Variants in CPS1 observed in about 807,000 individuals in gnomAD.
The protein encoded by CPS1 is carbamoyl-phosphate synthase 1.
In CPS1, 109 loss-of-function variants were observed where a neutral mutation model predicts 174.6. That is an observed-to-expected ratio of 0.62 (90% confidence interval 0.53 to 0.73). The LOEUF is 0.73. CPS1 is among the 30% of genes least tolerant of loss of function. The probability of loss-of-function intolerance (pLI) is 0.00; values close to 1 mark genes in which losing one functional copy is unlikely to be tolerated. For missense variants in CPS1, 1,689 were observed against 1,821.9 expected (o/e 0.93, Z 1.33); for synonymous variants, 637 against 632.0 (o/e 1.01, Z -0.12).
intron 1 of CPS1, among the ~76,000 whole-genome samples, chr2:210,557,375 T>C (rs1174978296): frequency 6.6e-6 from 1 of 152,136 alleles, no homozygotes; most frequent in Non-Finnish European, 1.5e-5. Flanking sequence ...CTTTAGCTTT[T>C]TCCTTTTCCT....
intron 19 of CPS1, among the ~76,000 whole-genome samples, chr2:210,609,361 T>C (rs1260775655): frequency 6.6e-6 from 1 of 151,916 alleles, no homozygotes; most frequent in African/African-American, 2.4e-5. Flanking sequence ...AACATGAAAC[T>C]TGGAACCAGC....
rs1698931027 is a variant in CPS1, at chr2:210,606,844, A to G, written c.2095A>G (p.Ile699Val). 1 of 1,612,714 alleles carries G rather than the reference A, an allele frequency of 6.2e-7. No homozygotes were observed. Among genetic ancestry groups the G allele is most frequent in the Middle Eastern group, 1.7e-4 (1 of 6,050 alleles). Residue 699 changes from isoleucine (I) to valine (V), a missense_variant, in exon 18 of 38, where the codon ATT becomes GTT. By Grantham distance (29) the Ile-to-Val change is conservative (BLOSUM62 3). Transcript: ENST00000233072. ...RHLGIVGECN[I>V]QFALHPTSME... ...CTTGGGCATTGTGGGTGAATGCAAC[A>G]TTCAGTTTGCCCTTCATCCTACCTC...
chr2:210,540,407 G>A (rs775693043), intron 1 of CPS1, among the ~76,000 whole-genome samples: 34 of 152,104 alleles, frequency 2.2e-4, no homozygotes, highest in Non-Finnish European at 4.6e-4. Context: ...ATATATCTAT[G>A]TATGTATCTA....
At chr2:210,675,688 C>A in intron 35 of CPS1, 40 bp from the exon 36 acceptor site, 1 of 922,878 alleles carries the variant, frequency 1.1e-6, no homozygotes, top group Non-Finnish European at 1.8e-6. Flanking sequence ...AATAAGAAAT[C>A]ACTGTGATAC....
rs527944680 is a variant in CPS1, at chr2:210,599,288, T to A, written c.1360-84T>A. 28 of 1,283,536 alleles carry A rather than the reference T, an allele frequency of 2.2e-5. No individual in the cohort carries two copies. The South Asian group carries it at 3.4e-4, about 16-fold the overall frequency. The allele number at this position is 1,283,536 out of a possible 1,614,324, so 79.5% of individuals were successfully genotyped here. The stretch of plus-strand genomic sequence containing the variant: ...GCCCACAGATAACCTAAAAGCTTAG[T>A]TACCCCATGTCTTTTTATTTAAGTG... On this transcript the variant is annotated intron_variant, in intron 13 of 37. Coordinates refer to ENST00000233072, the MANE Select transcript of CPS1 (RefSeq NM_001875.5).
At chr2:210,531,968 T>A (rs1457404708) in intron 1 of CPS1, among the ~76,000 whole-genome samples, 2 of 152,048 alleles carry the variant, frequency 1.3e-5, no homozygotes, top group East Asian at 3.9e-4. Context: ...TCAGCGAGAG[T>A]AAGATTTTCT....
At chr2:210,535,801 C>T (rs1215293502) in intron 1 of CPS1, among the ~76,000 whole-genome samples, 1 of 149,416 alleles carries the variant, frequency 6.7e-6, no homozygotes, top group Middle Eastern at 3.2e-3. Context: ...AAGTTTAGTC[C>T]CTTCTCCCTT....
chr2:210,553,686 A>G (rs1030615449), upstream of CPS1, among the ~76,000 whole-genome samples: 1 of 151,990 alleles, frequency 6.6e-6, no homozygotes, highest in Non-Finnish European at 1.5e-5. Context: ...AGAAGAAAAA[A>G]ATGCTTATTT....
At chr2:210,623,259 A>G (rs1243987386) in intron 21 of CPS1, among the ~76,000 whole-genome samples, 1 of 152,144 alleles carries the variant, frequency 6.6e-6, no homozygotes, top group Non-Finnish European at 1.5e-5. Context: ...TTCATTTTAC[A>G]CGTTCAAAAG....
At chr2:210,551,145 T>C (rs1696719338) in intron 1 of CPS1, among the ~76,000 whole-genome samples, 1 of 151,982 alleles carries the variant, frequency 6.6e-6, no homozygotes, top group Admixed American at 6.6e-5. Context: ...CTTGTTTTTC[T>C]TTCTCTTTTT....
At chr2:210,670,621 T>C (rs1470903288) in intron 34 of CPS1, among the ~76,000 whole-genome samples, 1 of 152,090 alleles carries the variant, frequency 6.6e-6, no homozygotes, top group Non-Finnish European at 1.5e-5. Context: ...AACTGAAAAA[T>C]AGCACAAAAA....
In CPS1 at chr2:210,568,213, GGT is replaced by G. The variant is rs750656066; in HGVS notation, c.127-5084_127-5083del. ...TAATTCTGATTTAGTACACACCATG[GGT>G]ACTAGGAAGCAGTACCAGGATGTAA... On this transcript the variant is annotated intron_variant, in intron 1 of 37. Transcript: ENST00000233072. Among the ~76,000 whole-genome samples the G allele has an allele frequency of 5.5e-4, 84 of 152,166 alleles. 1 individual carries two copies. Among genetic ancestry groups the G allele is most frequent in the South Asian group, 1.2e-3 (6 of 4,828 alleles).
chr2:210,599,601 G>A (rs1438730976), intron 14 of CPS1, 40 bp downstream of exon 14: 3 of 1,567,430 alleles, frequency 1.9e-6, no homozygotes, highest in Non-Finnish European at 2.6e-6. Flanking sequence ...TTTGACATAT[G>A]CACTGCTGTG....
chr2:210,581,469 A>G (rs189432033), intron 5 of CPS1, among the ~76,000 whole-genome samples: 26 of 152,176 alleles, frequency 1.7e-4, no homozygotes, highest in Non-Finnish European at 2.9e-4. Context: ...TTTCACTTCT[A>G]TTAACCTTAA....
intron 1 of CPS1, among the ~76,000 whole-genome samples, chr2:210,510,308 G>A (rs560074773): frequency 6.6e-6 from 1 of 152,236 alleles, no homozygotes; most frequent in East Asian, 1.9e-4. Flanking sequence ...ATGGTGCTGG[G>A]AAAACTGGCT....
chr2:210,482,346 T>C (rs959359590), intron 1 of CPS1, among the ~76,000 whole-genome samples: 1 of 151,328 alleles, frequency 6.6e-6, no homozygotes, highest in Non-Finnish European at 1.5e-5. Flanking sequence ...TCGCTCTGTC[T>C]CCCAGGCTGG....
intron 1 of CPS1, among the ~76,000 whole-genome samples, chr2:210,536,319 A>ATT (rs1175133564): frequency 1.5e-5 from 2 of 137,792 alleles, no homozygotes; most frequent in African/African-American, 5.9e-5. Flanking sequence ...GTGTTTAGGT[A>ATT]CTTTTTTTTT....
At chr2:210,503,066 G>A (rs867500776) in intron 1 of CPS1, among the ~76,000 whole-genome samples, 42 of 152,212 alleles carry the variant, frequency 2.8e-4, no homozygotes, top group African/African-American at 9.9e-4. Flanking sequence ...GCTTTGCTAA[G>A]GTATCTCCAG....
intron 4 of CPS1, 118 bp downstream of exon 4, chr2:210,577,628 G>A (rs542855604): frequency 1.2e-6 from 1 of 813,604 alleles, no homozygotes; most frequent in Admixed American, 1.8e-5. Context: ...TTGCATTTCA[G>A]AGAGGGATTC....
Sources: allele counts gnomAD v4.1 joint callset (sites outside exome capture counted in the v4.1 genomes callset), GRCh38; gene constraint gnomAD v4.1.1; transcripts MANE v1.5; gene names NCBI Gene and HGNC (gene_info 2026-07-23, HGNC 2026-07-21).